The following TBC1D8 variants were observed in gnomAD, a reference collection of about 807,000 sequenced individuals.
The protein encoded by TBC1D8 is BUB2-like protein 1.
TBC1D8 carries 65 observed loss-of-function variants against 118.8 expected under a neutral mutation model. The observed-to-expected ratio is 0.55, with a 90% confidence interval of 0.45 to 0.67. TBC1D8 has a LOEUF of 0.67. Among genes scored for constraint, TBC1D8 ranks in the 30% least tolerant of loss-of-function variants. The pLI, the probability that TBC1D8 is intolerant of heterozygous loss-of-function variation, is 0.00. For synonymous variants in TBC1D8, 566 were observed against 595.8 expected (o/e 0.95, Z 0.73); for missense variants, 1,376 against 1,471.2 (o/e 0.94, Z 1.06).
chr2:101,076,727 G>C (rs1451158515), intron 2 of TBC1D8, among the ~76,000 whole-genome samples: 2 of 152,294 alleles, frequency 1.3e-5, no homozygotes, highest in Non-Finnish European at 2.9e-5. Flanking sequence ...AATTATGAAA[G>C]AGATCTGCTC....
At chr2:101,068,634 A>T (rs905069393) in intron 2 of TBC1D8, 22 of 526,086 alleles carry the variant, frequency 4.2e-5, no homozygotes, top group Non-Finnish European at 6.5e-5. Flanking sequence ...ATGGCAGAAA[A>T]GGAACAATGG....
intron 1 of TBC1D8, among the ~76,000 whole-genome samples, chr2:101,098,900 T>A (rs991528050): frequency 1.3e-5 from 2 of 151,876 alleles, no homozygotes; most frequent in African/African-American, 4.8e-5. Context: ...AATCCTCACA[T>A]CAGAAAGCTA....
At chr2:101,119,826 A>G (rs577816611) in intron 1 of TBC1D8, among the ~76,000 whole-genome samples, 16 of 152,276 alleles carry the variant, frequency 1.1e-4, no homozygotes, top group African/African-American at 3.6e-4. Flanking sequence ...TTCTTTATCC[A>G]TTGCATCTAG....
intron 15 of TBC1D8, chr2:101,023,738 A>G (rs1680180380): frequency 5.9e-6 from 2 of 338,642 alleles, no homozygotes; most frequent in Admixed American, 4.7e-5. Flanking sequence ...CACCCATACT[A>G]AATGACTACA....
At chr2:101,049,620 C>T (rs544154505) in intron 5 of TBC1D8, among the ~76,000 whole-genome samples, 9 of 150,626 alleles carry the variant, frequency 6.0e-5, no homozygotes, top group East Asian at 3.9e-4. Flanking sequence ...CTCAGCTACT[C>T]GGGAGGCTGA....
intron 1 of TBC1D8, among the ~76,000 whole-genome samples, chr2:101,098,896 C>G (rs1055884904): frequency 1.7e-4 from 26 of 152,190 alleles, no homozygotes; most frequent in African/African-American, 6.3e-4. Context: ...ACTTAATCCT[C>G]ACATCAGAAA....
chr2:101,129,901 T>G (rs1678514995), intron 1 of TBC1D8, among the ~76,000 whole-genome samples: 1 of 141,280 alleles, frequency 7.1e-6, no homozygotes. Flanking sequence ...CGAGACTCTG[T>G]CTCAAAAAAA....
intron 1 of TBC1D8, among the ~76,000 whole-genome samples, chr2:101,141,441 A>T (rs1679095542): frequency 6.6e-6 from 1 of 152,106 alleles, no homozygotes; most frequent in Non-Finnish European, 1.5e-5. Context: ...CTTCTCCTAG[A>T]AGTTGTCCTG....
At position 101,032,398 on chromosome 2, in the gene TBC1D8, C is replaced by A; in HGVS notation, c.1819-13G>T. 1 of 1,608,302 alleles carries A rather than the reference C, an allele frequency of 6.2e-7. No homozygotes were observed. ...GGATGTTCATGGACTGCTCGGGGGT[C>A]AAGGAGGGCAGTTACTGACTGGCCC... On this transcript the variant is annotated splice_polypyrimidine_tract_variant and intron_variant, in intron 10 of 19. Transcript: ENST00000409318.
At chr2:101,143,353 G>A (rs933363070) in intron 1 of TBC1D8, among the ~76,000 whole-genome samples, 2 of 151,990 alleles carry the variant, frequency 1.3e-5, no homozygotes, top group African/African-American at 2.4e-5. Flanking sequence ...GAGCCACCAC[G>A]CACAGACACC....
intron 2 of TBC1D8, among the ~76,000 whole-genome samples, chr2:101,060,921 C>T (rs1256416366): frequency 6.6e-6 from 1 of 152,192 alleles, no homozygotes; most frequent in East Asian, 1.9e-4. Flanking sequence ...GGTGCAGTGG[C>T]TCACGCCTGT....
intron 17 of TBC1D8, chr2:101,018,340 G>C (rs983681126): frequency 1.3e-5 from 2 of 155,156 alleles, no homozygotes; most frequent in African/African-American, 2.4e-5. Flanking sequence ...AGTTCATTCA[G>C]GTTTTCAACG....
intron 1 of TBC1D8, among the ~76,000 whole-genome samples, chr2:101,102,912 G>A (rs942940694): frequency 2.6e-5 from 4 of 151,832 alleles, no homozygotes; most frequent in African/African-American, 7.3e-5. Context: ...TACTTTCACC[G>A]GTGAATACTA....
intron 15 of TBC1D8, among the ~76,000 whole-genome samples, chr2:101,025,653 T>C (rs1415788960): frequency 1.3e-5 from 2 of 152,222 alleles, no homozygotes; most frequent in Non-Finnish European, 2.9e-5. Context: ...AAAATAAGTC[T>C]TACGCAGAAC....
At chr2:101,016,658 A>G (rs994221969) in intron 17 of TBC1D8, among the ~76,000 whole-genome samples, 2 of 152,186 alleles carry the variant, frequency 1.3e-5, no homozygotes, top group Non-Finnish European at 2.9e-5. Context: ...ACAATAGCAA[A>G]GACTTGGAAC....
chr2:101,110,693 C>T (rs1184019491), intron 1 of TBC1D8, among the ~76,000 whole-genome samples: 1 of 152,114 alleles, frequency 6.6e-6, no homozygotes, highest in Non-Finnish European at 1.5e-5. Flanking sequence ...AGAACCAGAA[C>T]AGGCCAGGCG....
chr2:101,100,286 C>T (rs981834594), intron 1 of TBC1D8, among the ~76,000 whole-genome samples: 2 of 152,082 alleles, frequency 1.3e-5, no homozygotes, highest in African/African-American at 4.8e-5. Context: ...AATAAAATAC[C>T]TAGGAATACA....
chr2:101,058,752 C>CA (rs780821019), intron 3 of TBC1D8, among the ~76,000 whole-genome samples: 3,681 of 116,344 alleles, frequency 0.032, 64 homozygotes, highest in African/African-American at 0.057. Flanking sequence ...GTCACAACTG[C>CA]AAAAAAAAAA....
chr2:101,063,880 CA>C (rs916512289), intron 2 of TBC1D8, among the ~76,000 whole-genome samples: 1 of 142,692 alleles, frequency 7.0e-6, no homozygotes. Context: ...GGGTCATGGC[CA>C]AAAAAAAAAC....
Sources: allele counts gnomAD v4.1 joint callset (sites outside exome capture counted in the v4.1 genomes callset), GRCh38; gene constraint gnomAD v4.1.1; transcripts MANE v1.5; gene names NCBI Gene and HGNC (gene_info 2026-07-23, HGNC 2026-07-21).